HGF: variants seen among roughly 807,000 people sequenced by gnomAD.
The protein encoded by HGF is hepatocyte growth factor, also known as fibroblast-derived tumor cytotoxic factor.
HGF carries 39 observed loss-of-function variants against 111.6 expected under a neutral mutation model. That is an observed-to-expected ratio of 0.35 (90% CI 0.27 to 0.46). HGF has a LOEUF of 0.46. Among genes scored for constraint, HGF ranks in the 20% least tolerant of loss-of-function variants. The probability of loss-of-function intolerance (pLI) is 1.00; values close to 1 mark genes in which losing one functional copy is unlikely to be tolerated. For synonymous variants in HGF, 285 were observed against 294.8 expected (o/e 0.97, Z 0.34); for missense variants, 735 against 910.5 (o/e 0.81, Z 2.48).
At chr7:81,706,527 C>G in intron 14 of HGF, 100 bp from the exon 15 acceptor site, 1 of 961,014 alleles carries the variant, frequency 1.0e-6, no homozygotes, top group Non-Finnish European at 1.6e-6. Flanking sequence ...AGGCACATAA[C>G]CTAAATTTAA....
chr7:81,712,339 C>A (rs28481726), intron 11 of HGF, among the ~76,000 whole-genome samples: 9,584 of 152,120 alleles, frequency 0.063, 1,007 homozygotes, highest in African/African-American at 0.22. Flanking sequence ...GCAACTACAC[C>A]AACTTCATAA....
At chr7:81,705,990 A>T (rs750540494) in intron 15 of HGF, among the ~76,000 whole-genome samples, 4 of 151,848 alleles carry the variant, frequency 2.6e-5, no homozygotes. Context: ...GCTATTTTTT[A>T]AAATAATTAT....
chr7:81,713,362 T>TA (rs1789622804), intron 11 of HGF, among the ~76,000 whole-genome samples: 1 of 151,898 alleles, frequency 6.6e-6, no homozygotes, highest in African/African-American at 2.4e-5. Context: ...CTGGATCTAC[T>TA]AAAAATACAA....
chr7:81,744,571 A>G (rs989120889), intron 6 of HGF, among the ~76,000 whole-genome samples: 5 of 152,248 alleles, frequency 3.3e-5, no homozygotes, highest in African/African-American at 1.2e-4. Context: ...GCAATTAGTA[A>G]CAATACCTCT....
intron 17 of HGF, among the ~76,000 whole-genome samples, chr7:81,705,158 T>C (rs1302427501): frequency 6.6e-6 from 1 of 151,912 alleles, no homozygotes; most frequent in African/African-American, 2.4e-5. Flanking sequence ...TACACACTTA[T>C]TATTTTTTGA....
At chr7:81,716,702 T>C (rs1375323318) in intron 11 of HGF, among the ~76,000 whole-genome samples, 2 of 152,170 alleles carry the variant, frequency 1.3e-5, no homozygotes, top group Non-Finnish European at 2.9e-5. Context: ...ACTTTTACTT[T>C]ATACACTAAT....
At position 81,725,894 on chromosome 7, in the gene HGF, T is replaced by C. The variant is rs1380876378; in HGVS notation, c.1164A>G (p.Gly388=). The change falls in exon 9 of 18, where the codon GGA becomes GGG. Residue 388 remains glycine (G), a synonymous_variant. Coordinates refer to ENST00000222390, the MANE Select transcript of HGF (RefSeq NM_000601.6). ...SQIPNCDMSH[G]QDCYRGNGKN... is the part of the protein sequence containing the mutation. The stretch of plus-strand genomic sequence containing the variant: ...CTGCAGAATGTCAGCTATTACCTTG[T>C]CCATGTGACATATCACAGTTTGGAA... 6.2e-7 allele frequency: 1 copy of C among 1,613,998 alleles called. No homozygotes were observed. The highest frequency in any genetic ancestry group is 1.3e-5 in the African/African-American group (1 of 74,926).
intron 9 of HGF, among the ~76,000 whole-genome samples, chr7:81,723,729 A>G (rs944135894): frequency 2.0e-5 from 3 of 150,872 alleles, no homozygotes; most frequent in Non-Finnish European, 4.4e-5. Flanking sequence ...GTTTCCACTC[A>G]TCTAACTATA....
At chr7:81,768,846 G>A (rs780063378) in intron 1 of HGF, among the ~76,000 whole-genome samples, 12 of 152,080 alleles carry the variant, frequency 7.9e-5, no homozygotes, top group Non-Finnish European at 1.3e-4. Context: ...AGAAAACCAG[G>A]TGGGTTGAAT....
At chr7:81,717,451 A>C (rs2115850230) in intron 10 of HGF, 86 bp from the exon 11 acceptor site, 1 of 1,285,318 alleles carries the variant, frequency 7.8e-7, no homozygotes, top group East Asian at 2.3e-5. Flanking sequence ...TAATCTCAGC[A>C]CATTACTTTC....
intron 4 of HGF, chr7:81,755,948 T>C (rs1423393092): frequency 4.3e-6 from 3 of 696,428 alleles, no homozygotes; most frequent in South Asian, 1.5e-5. Context: ...CTCTTTTTCT[T>C]TCTGTGTTGG....
Position 81,762,831 on chromosome 7 carries a change from T to A in HGF, c.130A>T (p.Lys44Ter), listed in dbSNP as rs1789160084. Reference sequence around the variant, plus strand: ...TTGATTAGGGTAGTCTTTGCTGATTTTTTGAATTCATGAATTGTATTTCTT... The same window carrying A: ...TTGATTAGGGTAGTCTTTGCTGATTATTTGAATTCATGAATTGTATTTCTT... ...KRRNTIHEFK[K>*]SAKTTLIKID... Residue 44 changes from lysine to a stop codon, truncating the protein, a stop_gained, in exon 2 of 18, where the codon AAA becomes TAA. Transcript: ENST00000222390. LOFTEE classifies it high-confidence loss of function. 6.3e-7 allele frequency: 1 copy of A among 1,596,106 alleles called. No individual in the cohort carries two copies. The highest frequency in any genetic ancestry group is 8.6e-7 in the Non-Finnish European group (1 of 1,163,918).
Position 81,729,872 on chromosome 7 carries a change from G to T in HGF, c.866-93C>A, listed in dbSNP as rs934141318. 1.2e-5 allele frequency: 14 copies of T among 1,169,278 alleles called. No homozygotes were observed. The African/African-American group carries it at 2.2e-4, about 18-fold the overall frequency. The allele number at this position is 1,169,278 out of a possible 1,614,324, so 72.4% of individuals were successfully genotyped here. A position where few individuals can be genotyped will look rare whatever the true frequency, so the allele number is the denominator to read the frequency against. ...GAGTTCATTGGCATTTGTATTAGCA[G>T]ATTTTTTTTTCTGTTACTTATAAGC... On this transcript the variant is annotated intron_variant, in intron 7 of 17. Transcript: ENST00000222390.
chr7:81,742,645 A>G, intron 7 of HGF: 1 of 1,141,582 alleles, frequency 8.8e-7, no homozygotes, highest in Non-Finnish European at 1.1e-6. Flanking sequence ...TGACTTAACC[A>G]TAGAGGAGAG....
intron 17 of HGF, 40 bp from the exon 18 acceptor site, chr7:81,702,797 T>C (rs1318731647): frequency 3.2e-6 from 5 of 1,560,736 alleles, no homozygotes. Context: ...TTATTAGGAA[T>C]TAAAAAAAAG....
At chr7:81,766,182 C>T (rs1418436396) in intron 1 of HGF, among the ~76,000 whole-genome samples, 2 of 152,132 alleles carry the variant, frequency 1.3e-5, no homozygotes, top group Non-Finnish European at 2.9e-5. Flanking sequence ...CGGCACCTCA[C>T]ACTCATTTCT....
At chr7:81,702,811 A>C in intron 17 of HGF, 54 bp from the exon 18 acceptor site, 108 of 1,428,358 alleles carry the variant, frequency 7.6e-5, no homozygotes, top group Non-Finnish European at 9.3e-5. Flanking sequence ...AAAAAAGCTC[A>C]TTAACATAAT....
chr7:81,740,853 T>G (rs1041433730), intron 7 of HGF, among the ~76,000 whole-genome samples: 1 of 152,166 alleles, frequency 6.6e-6, no homozygotes, highest in African/African-American at 2.4e-5. Context: ...CAGGACCTTT[T>G]GAGACCCTAG....
At position 81,736,870 on chromosome 7, in the gene HGF, G is replaced by A. The variant is rs147729542; in HGVS notation, c.865+6483C>T. 1,742 of 387,786 alleles carry A rather than the reference G, an allele frequency of 4.5e-3. 7 individuals carry two copies. The highest frequency in any genetic ancestry group is 6.3e-3 in the Non-Finnish European group (1,259 of 199,668). 24.0% of individuals were successfully genotyped at this position (387,786 alleles called of 1,614,324 possible). On this transcript the variant is annotated intron_variant, in intron 7 of 17. Coordinates refer to ENST00000222390, the MANE Select transcript of HGF (RefSeq NM_000601.6). ...CCTAAGATCAAAGGAAATCACTGAA[G>A]GGTTTTTAATTTATGTGTAGAGGGG...
Sources: allele counts gnomAD v4.1 joint callset (sites outside exome capture counted in the v4.1 genomes callset), GRCh38; gene constraint gnomAD v4.1.1; transcripts MANE v1.5; gene names NCBI Gene and HGNC (gene_info 2026-07-23, HGNC 2026-07-21).